SLC8A3: variants seen among roughly 807,000 people sequenced by gnomAD.
The protein encoded by SLC8A3 is sodium/calcium exchanger 3.
In SLC8A3, 37 loss-of-function variants were observed where a neutral mutation model predicts 65.4. That is an observed-to-expected ratio of 0.57 (90% CI 0.44 to 0.74). The LOEUF is 0.74. Among genes scored for constraint, SLC8A3 ranks in the 30% least tolerant of loss-of-function variants. The pLI, the probability that SLC8A3 is intolerant of heterozygous loss-of-function variation, is 0.00. For missense variants in SLC8A3, 1,112 were observed against 1,172.1 expected (o/e 0.95, Z 0.75); for synonymous variants, 461 against 444.5 (o/e 1.04, Z -0.47).
intron 2 of SLC8A3, among the ~76,000 whole-genome samples, chr14:70,097,626 C>T (rs1892276886): frequency 6.6e-6 from 1 of 152,132 alleles, no homozygotes; most frequent in African/African-American, 2.4e-5. Flanking sequence ...ATATAGAATG[C>T]TTAAAACACC....
intron 2 of SLC8A3, among the ~76,000 whole-genome samples, chr14:70,142,354 G>A (rs1895634716): frequency 6.6e-6 from 1 of 152,206 alleles, no homozygotes; most frequent in African/African-American, 2.4e-5. Context: ...TGTGGGGTGA[G>A]GGTGGTGGTG....
At chr14:70,089,801 C>T (rs565716608) in intron 2 of SLC8A3, among the ~76,000 whole-genome samples, 6 of 152,198 alleles carry the variant, frequency 3.9e-5, no homozygotes, top group African/African-American at 1.4e-4. Flanking sequence ...CCAATTTTCC[C>T]CCAAAAGATA....
intron 2 of SLC8A3, among the ~76,000 whole-genome samples, chr14:70,096,894 A>T (rs534944683): frequency 6.6e-6 from 1 of 152,218 alleles, no homozygotes; most frequent in South Asian, 2.1e-4. Flanking sequence ...CAGGTCAACA[A>T]AGAGATAAAC....
At chr14:70,080,934 C>T (rs894131887) in intron 2 of SLC8A3, among the ~76,000 whole-genome samples, 3 of 152,186 alleles carry the variant, frequency 2.0e-5, no homozygotes, top group African/African-American at 7.2e-5. Context: ...AGGTTGGCAA[C>T]TTGCCCAATG....
intron 2 of SLC8A3, among the ~76,000 whole-genome samples, chr14:70,155,099 A>G (rs978773402): frequency 6.6e-6 from 1 of 151,570 alleles, no homozygotes; most frequent in Admixed American, 6.6e-5. Flanking sequence ...TTTTGTATTT[A>G]TAGTAGAGAC....
chr14:70,174,655 T>A (rs1319552710), intron 1 of SLC8A3, among the ~76,000 whole-genome samples: 2 of 51,508 alleles, frequency 3.9e-5, no homozygotes, highest in Non-Finnish European at 9.4e-5. Flanking sequence ...AAATCCGTTT[T>A]TTTTTTGTTT....
intron 1 of SLC8A3, among the ~76,000 whole-genome samples, chr14:70,176,895 T>G (rs571228057): frequency 6.6e-6 from 1 of 152,378 alleles, no homozygotes; most frequent in South Asian, 2.1e-4. Flanking sequence ...TTCCTTTCAC[T>G]GATAATAGCT....
At chr14:70,075,166 C>T (rs555688037) in intron 2 of SLC8A3, among the ~76,000 whole-genome samples, 6 of 152,002 alleles carry the variant, frequency 3.9e-5, no homozygotes, top group East Asian at 3.9e-4. Flanking sequence ...TGCGTGTGTG[C>T]GTGTGTGTTT....
chr14:70,063,882 T>G, intron 2 of SLC8A3: 1 of 1,612,946 alleles, frequency 6.2e-7, no homozygotes, highest in Non-Finnish European at 8.5e-7. Context: ...GTAATTCTTG[T>G]TTTTCTCATA....
At chr14:70,165,041 T>C (rs964991480) in intron 2 of SLC8A3, among the ~76,000 whole-genome samples, 3 of 152,142 alleles carry the variant, frequency 2.0e-5, no homozygotes, top group African/African-American at 7.2e-5. Flanking sequence ...CCCTGATCCA[T>C]TTTTGGCAAG....
At chr14:70,179,651 C>T (rs1882557490) in intron 1 of SLC8A3, among the ~76,000 whole-genome samples, 2 of 152,194 alleles carry the variant, frequency 1.3e-5, no homozygotes, top group African/African-American at 4.8e-5. Flanking sequence ...GAGTCTAATT[C>T]TAAACACGGC....
chr14:70,179,563 C>A (rs954007854), intron 1 of SLC8A3, among the ~76,000 whole-genome samples: 1 of 152,104 alleles, frequency 6.6e-6, no homozygotes, highest in African/African-American at 2.4e-5. Context: ...ATGGTTAAAG[C>A]CAATGACCTC....
intron 2 of SLC8A3, chr14:70,079,910 G>C (rs1262575752): frequency 4.9e-5 from 8 of 161,914 alleles, no homozygotes; most frequent in African/African-American, 1.9e-4. Flanking sequence ...AGAAACTTGA[G>C]TTAAAATCTT....
At chr14:70,179,315 G>A (rs1271156918) in intron 1 of SLC8A3, among the ~76,000 whole-genome samples, 1 of 151,632 alleles carries the variant, frequency 6.6e-6, no homozygotes, top group African/African-American at 2.4e-5. Context: ...CATTGTTTTT[G>A]TTTGCTTTTT....
intron 2 of SLC8A3, among the ~76,000 whole-genome samples, chr14:70,143,817 C>A (rs1370062899): frequency 2.0e-5 from 3 of 152,186 alleles, no homozygotes; most frequent in African/African-American, 7.2e-5. Flanking sequence ...ACCAGCAGCT[C>A]TATTCCCCTC....
At chr14:70,169,702 G>GGGC (rs1248590004) in intron 1 of SLC8A3, among the ~76,000 whole-genome samples, 1 of 132,568 alleles carries the variant, frequency 7.5e-6, no homozygotes, top group African/African-American at 2.7e-5. Flanking sequence ...GGGGGGGGGG[G>GGGC]CGATCTTTCT....
At chr14:70,160,117 T>C (rs1353709414) in intron 2 of SLC8A3, among the ~76,000 whole-genome samples, 2 of 152,164 alleles carry the variant, frequency 1.3e-5, no homozygotes, top group Non-Finnish European at 2.9e-5. Context: ...ATTTACATTG[T>C]ATTAGGTATT....
intron 2 of SLC8A3, among the ~76,000 whole-genome samples, chr14:70,126,804 G>A (rs572611638): frequency 2.6e-5 from 4 of 151,832 alleles, no homozygotes; most frequent in Non-Finnish European, 5.9e-5. Flanking sequence ...ACCTTTTTGA[G>A]TGCCAATATG....
chr14:70,185,215 C>T (rs1342882161), intron 1 of SLC8A3, among the ~76,000 whole-genome samples: 1 of 152,234 alleles, frequency 6.6e-6, no homozygotes, highest in Non-Finnish European at 1.5e-5. Flanking sequence ...GATCCGCCTG[C>T]CTCGGCCTCC....
Sources: gnomAD v4.1 joint callset for allele counts (sites outside exome capture counted in the v4.1 genomes callset) on GRCh38, gnomAD v4.1.1 for gene constraint, MANE v1.5 for transcripts, NCBI Gene and HGNC (gene_info 2026-07-23, HGNC 2026-07-21) for gene names.